The following KLRF1 variants were observed in gnomAD, a reference collection of about 807,000 sequenced individuals.
The protein encoded by KLRF1 is killer cell lectin-like receptor subfamily F member 1.
In KLRF1, 27 loss-of-function variants were observed where a neutral mutation model predicts 30.7. The ratio of observed to expected loss-of-function variants is 0.88; its 90% CI spans 0.65 to 1.21. The LOEUF is 1.21. KLRF1 is among the 50% of genes most tolerant of loss of function. The pLI, the probability that KLRF1 is intolerant of heterozygous loss-of-function variation, is 0.00. For missense variants in KLRF1, 246 were observed against 259.3 expected (o/e 0.95, Z 0.35); for synonymous variants, 92 against 89.3 (o/e 1.03, Z -0.17).
chr12:9,810,926 G>GCC, the KLRF1 span, among the ~76,000 whole-genome samples: 1 of 152,172 alleles, frequency 6.6e-6, no homozygotes, highest in African/African-American at 2.4e-5. Context: ...GTTGGAGGTT[G>GCC]CAGAGGTGAA....
the KLRF1 span, among the ~76,000 whole-genome samples, chr12:9,810,226 C>T: frequency 6.6e-6 from 1 of 152,142 alleles, no homozygotes; most frequent in South Asian, 2.1e-4. Context: ...ATGCATTTCT[C>T]ATACTTTATC....
chr12:9,824,885 T>C (rs1591749541), upstream of KLRF1, among the ~76,000 whole-genome samples: 1 of 151,750 alleles, frequency 6.6e-6, no homozygotes, highest in East Asian at 1.9e-4. Flanking sequence ...ACAAAAACAA[T>C]AAAATACATA....
upstream of KLRF1, among the ~76,000 whole-genome samples, chr12:9,826,524 G>C (rs766071315): frequency 6.6e-6 from 1 of 152,084 alleles, no homozygotes; most frequent in African/African-American, 2.4e-5. Flanking sequence ...CCCATTACTG[G>C]TATATACCCA....
chr12:9,819,028 C>G, the KLRF1 span, among the ~76,000 whole-genome samples: 2 of 152,188 alleles, frequency 1.3e-5, no homozygotes, highest in African/African-American at 4.8e-5. Context: ...CTTCCCCACC[C>G]AGGGAAGCAG....
the KLRF1 span, among the ~76,000 whole-genome samples, chr12:9,814,086 G>C: frequency 1.7e-4 from 26 of 152,236 alleles, no homozygotes; most frequent in African/African-American, 6.3e-4. Context: ...GGCTGTAGTG[G>C]CACAAGGCTG....
rs1867718354 is a variant in KLRF1 at position 9,842,227 on chromosome 12, A to G, written c.475-94A>G. 19 of 1,337,548 alleles carry G rather than the reference A, an allele frequency of 1.4e-5. No individual in the cohort carries two copies. The East Asian group carries it at 4.3e-4, about 30-fold the overall frequency. The allele number at this position is 1,337,548 out of a possible 1,614,324, so 82.9% of individuals were successfully genotyped here. A position where few individuals can be genotyped will look rare whatever the true frequency, so the allele number is the denominator to read the frequency against. ...TGAATTGATTACCATAAGAATCCCT[A>G]TGCAGAGTGCTTTTTTGCAATAACA... On this transcript the variant is annotated intron_variant, in intron 4 of 5. Transcript: ENST00000617889.
chr12:9,836,475 AC>A (rs1867581227), intron 3 of KLRF1, among the ~76,000 whole-genome samples: 1 of 151,640 alleles, frequency 6.6e-6, no homozygotes, highest in Non-Finnish European at 1.5e-5. Flanking sequence ...CTGGCAGGGG[AC>A]CCTCCAATAC....
upstream of KLRF1, among the ~76,000 whole-genome samples, chr12:9,823,298 C>T (rs1354411911): frequency 6.7e-6 from 1 of 149,404 alleles, no homozygotes; most frequent in Non-Finnish European, 1.5e-5. Flanking sequence ...TCTTGGACCA[C>T]AACGCAATAA....
At chr12:9,811,319 C>CAA in the KLRF1 span, among the ~76,000 whole-genome samples, 2 of 62,182 alleles carry the variant, frequency 3.2e-5, no homozygotes, top group Non-Finnish European at 6.0e-5. Context: ...AGAAGTAGTC[C>CAA]AAAAAAAAAA....
the KLRF1 span, among the ~76,000 whole-genome samples, chr12:9,813,224 A>G: frequency 1.3e-5 from 2 of 152,116 alleles, no homozygotes; most frequent in Non-Finnish European, 2.9e-5. Flanking sequence ...ATATGTATAC[A>G]TGTGCCATGC....
At chr12:9,842,747 T>C (rs1264296295) in intron 5 of KLRF1, among the ~76,000 whole-genome samples, 1 of 152,108 alleles carries the variant, frequency 6.6e-6, no homozygotes, top group Non-Finnish European at 1.5e-5. Flanking sequence ...ATAAAACCAA[T>C]GTGCATTTTT....
At chr12:9,839,383 A>C (rs982247251) in intron 3 of KLRF1, among the ~76,000 whole-genome samples, 1 of 152,076 alleles carries the variant, frequency 6.6e-6, no homozygotes. Flanking sequence ...GGGGTATGCA[A>C]ACATTCAGTT....
At chr12:9,833,901 C>CTTTTTTTTTTTTTTTTTTTTTTTTTTTTT (rs35443913) in intron 3 of KLRF1, among the ~76,000 whole-genome samples, 4 of 82,402 alleles carry the variant, frequency 4.9e-5, no homozygotes, top group Non-Finnish European at 6.8e-5. Context: ...AAATGTTTAA[C>CTTTTTTTTTTTTTTTTTTTTTTTTTTTTT]TTTTTTTTTT....
upstream of KLRF1, among the ~76,000 whole-genome samples, chr12:9,824,804 A>G (rs368564768): frequency 1.3e-3 from 197 of 152,302 alleles, no homozygotes; most frequent in Non-Finnish European, 2.1e-3. Context: ...AATCACCAAC[A>G]TTCCTGTACA....
chr12:9,834,137 A>G (rs1453580692), intron 3 of KLRF1, among the ~76,000 whole-genome samples: 1 of 149,490 alleles, frequency 6.7e-6, no homozygotes, highest in African/African-American at 2.6e-5. Flanking sequence ...AGCCAGGAGA[A>G]GGACTTTCAC....
the KLRF1 span, among the ~76,000 whole-genome samples, chr12:9,805,666 G>A: frequency 1.3e-5 from 2 of 151,872 alleles, no homozygotes; most frequent in Non-Finnish European, 2.9e-5. Flanking sequence ...TTTTCCTTAG[G>A]AAGTTTTAAA....
At chr12:9,809,675 C>T in the KLRF1 span, among the ~76,000 whole-genome samples, 1 of 151,806 alleles carries the variant, frequency 6.6e-6, no homozygotes. Flanking sequence ...TTGATTATGT[C>T]ATGAGATTTT....
At chr12:9,804,491 A>C in the KLRF1 span, among the ~76,000 whole-genome samples, 1 of 152,018 alleles carries the variant, frequency 6.6e-6, no homozygotes, top group Non-Finnish European at 1.5e-5. Flanking sequence ...GATTAGTGTA[A>C]TATCTAAAGA....
At chr12:9,811,677 G>A in the KLRF1 span, among the ~76,000 whole-genome samples, 1 of 152,186 alleles carries the variant, frequency 6.6e-6, no homozygotes, top group African/African-American at 2.4e-5. Flanking sequence ...AAGGAAAGGA[G>A]AAGACTTTAT....
Sources: gnomAD v4.1 joint callset for allele counts (sites outside exome capture counted in the v4.1 genomes callset) on GRCh38, gnomAD v4.1.1 for gene constraint, MANE v1.5 for transcripts, NCBI Gene and HGNC (gene_info 2026-07-23, HGNC 2026-07-21) for gene names.